Variants in ZNF718 observed in about 807,000 individuals in gnomAD.
ZNF718 encodes zinc finger protein 718.
Under a neutral mutation model 2.6 loss-of-function variants are expected in ZNF718, and 3 were observed. The observed-to-expected ratio is 1.16, with a 90% confidence interval of 0.53 to 3.01. The LOEUF is 3.01. ZNF718 is among the 30% of genes most tolerant of loss of function. The pLI is 0.03. For synonymous variants in ZNF718, 135 were observed against 77.9 expected, an observed-to-expected ratio of 1.73 and a Z score of -3.86; for missense variants, 468 against 230.0, an observed-to-expected ratio of 2.03 and a Z score of -6.69.
chr4:200,987 T>C (rs1007151864), intron 3 of ZNF718: 1 of 152,372 alleles, frequency 6.6e-6, no homozygotes, highest in Non-Finnish European at 1.5e-5. Flanking sequence ...GACACGCAGA[T>C]ACATTAAAGG....
chr4:131,412 GT>G lies in ZNF718; in HGVS notation c.135del (p.Ser46ValfsTer20). ...ENYRNLVSLG[V>X]SISNPDLVTS... ...TAATTTTTTTTTTAATAAAACAGGT[GT>G]TAGTATCTCTAACCCAGACCTGGTC... On this transcript the variant is annotated frameshift_variant, in exon 3 of 4. Transcript: ENST00000510175. LOFTEE classifies it high-confidence loss of function. 1 of 469,546 alleles carries G rather than the reference GT, an allele frequency of 2.1e-6. No individual in the cohort carries two copies. The highest frequency in any genetic ancestry group is 4.1e-5 in the South Asian group (1 of 24,594). The allele number at this position is 469,546 out of a possible 1,614,324, so 29.1% of individuals were successfully genotyped here.
At chr4:187,990 G>A (rs1397374797) in intron 3 of ZNF718, among the ~76,000 whole-genome samples, 12 of 152,302 alleles carry the variant, frequency 7.9e-5, no homozygotes, top group African/African-American at 2.4e-4. Flanking sequence ...AAGGAAAAAT[G>A]GATTGGGGTC....
chr4:189,858 T>C (rs1717657751), intron 3 of ZNF718, among the ~76,000 whole-genome samples: 1 of 152,230 alleles, frequency 6.6e-6, no homozygotes, highest in South Asian at 2.1e-4. Flanking sequence ...CTTTTGCATC[T>C]ATTTAAGTTG....
chr4:156,826 A>C (rs1354766053), intron 3 of ZNF718, among the ~76,000 whole-genome samples: 1 of 152,152 alleles, frequency 6.6e-6, no homozygotes, highest in African/African-American at 2.4e-5. Flanking sequence ...ATTTCAAATT[A>C]TATTTATCCA....
chr4:200,811 TG>T (rs1261357517), intron 3 of ZNF718, among the ~76,000 whole-genome samples: 3 of 152,116 alleles, frequency 2.0e-5, no homozygotes, highest in Admixed American at 1.3e-4. Flanking sequence ...TTAACAACAG[TG>T]ATTATTTAAT....
intron 3 of ZNF718, among the ~76,000 whole-genome samples, chr4:154,538 C>T (rs1716478834): frequency 6.6e-6 from 1 of 152,154 alleles, no homozygotes; most frequent in Non-Finnish European, 1.5e-5. Flanking sequence ...AAAGGTGTCT[C>T]TTGCCATGTT....
intron 3 of ZNF718, among the ~76,000 whole-genome samples, chr4:195,100 GGGCTGGGTT>G (rs1717766168): frequency 1.3e-5 from 2 of 152,226 alleles, no homozygotes; most frequent in African/African-American, 4.8e-5. Flanking sequence ...TCCTAGAGCT[GGGCTGGGTT>G]CCTGAGTATT....
intron 3 of ZNF718, among the ~76,000 whole-genome samples, chr4:159,306 G>A (rs1008378536): frequency 3.5e-4 from 54 of 152,142 alleles, no homozygotes; most frequent in African/African-American, 1.2e-3. Flanking sequence ...AAAGTGTTGG[G>A]ATTACAGGTC....
intron 1 of ZNF718, among the ~76,000 whole-genome samples, chr4:127,095 A>T (rs1715256608): frequency 6.6e-6 from 1 of 151,758 alleles, no homozygotes; most frequent in Admixed American, 6.6e-5. Flanking sequence ...AAGTGCTGGG[A>T]TTATAGGCGT....
chr4:190,316 G>C (rs562264818), intron 3 of ZNF718, among the ~76,000 whole-genome samples: 9 of 151,776 alleles, frequency 5.9e-5, no homozygotes, highest in Non-Finnish European at 1.3e-4. Context: ...TGTAGTCCCA[G>C]CTACTCAGGA....
intron 3 of ZNF718, among the ~76,000 whole-genome samples, chr4:155,754 G>C (rs2108798930): frequency 6.6e-6 from 1 of 152,238 alleles, no homozygotes. Context: ...TTAAGACTTT[G>C]GGGGACTGTT....
chr4:171,936 C>G (rs1332995285), intron 3 of ZNF718, among the ~76,000 whole-genome samples: 1 of 152,226 alleles, frequency 6.6e-6, no homozygotes, highest in African/African-American at 2.4e-5. Context: ...CTGCGTCGCT[C>G]ACGCTGGGAG....
intron 3 of ZNF718, among the ~76,000 whole-genome samples, chr4:191,678 A>G (rs1553821251): frequency 6.6e-6 from 1 of 152,220 alleles, no homozygotes; most frequent in East Asian, 1.9e-4. Flanking sequence ...AAAGCTGGAA[A>G]TGGACACTTA....
intron 3 of ZNF718, among the ~76,000 whole-genome samples, chr4:135,183 A>T (rs575168879): frequency 6.0e-5 from 9 of 151,086 alleles, no homozygotes; most frequent in African/African-American, 2.2e-4. Flanking sequence ...TGGAAATTAC[A>T]GTGAGCTGAG....
intron 3 of ZNF718, among the ~76,000 whole-genome samples, chr4:194,165 C>T (rs562501879): frequency 5.1e-4 from 77 of 152,220 alleles, no homozygotes; most frequent in African/African-American, 1.4e-3. Context: ...GGGCCTAAGG[C>T]GGGCTCTTGA....
chr4:178,425 C>T (rs1444079635), intron 3 of ZNF718, among the ~76,000 whole-genome samples: 3 of 152,056 alleles, frequency 2.0e-5, no homozygotes, highest in South Asian at 2.1e-4. Context: ...AGGCATGATC[C>T]ACCACACCCA....
At chr4:171,835 C>T (rs906461332) in intron 3 of ZNF718, among the ~76,000 whole-genome samples, 32 of 152,160 alleles carry the variant, frequency 2.1e-4, no homozygotes, top group Admixed American at 1.4e-3. Context: ...AAGCTTGGTG[C>T]GCTGCACCCA....
At chr4:185,861 A>G (rs1292880777) in intron 3 of ZNF718, among the ~76,000 whole-genome samples, 1 of 152,034 alleles carries the variant, frequency 6.6e-6, no homozygotes, top group African/African-American at 2.4e-5. Flanking sequence ...ATTTTCATCC[A>G]TCCCTTTATT....
downstream of ZNF718, among the ~76,000 whole-genome samples, chr4:168,935 T>C (rs1432883281): frequency 6.6e-6 from 1 of 152,208 alleles, no homozygotes; most frequent in Non-Finnish European, 1.5e-5. Flanking sequence ...GTTCTTTTAA[T>C]TGTGATGTTA....
Sources: gnomAD v4.1 joint callset for allele counts (sites outside exome capture counted in the v4.1 genomes callset) on GRCh38, gnomAD v4.1.1 for gene constraint, MANE v1.5 for transcripts, NCBI Gene and HGNC (gene_info 2026-07-23, HGNC 2026-07-21) for gene names.